The following PLCG2 variants were observed in gnomAD, a reference collection of about 807,000 sequenced individuals.
PLCG2 encodes the protein 1-phosphatidylinositol 4,5-bisphosphate phosphodiesterase gamma-2.
PLCG2 carries 69 observed loss-of-function variants against 175.6 expected under a neutral mutation model. The ratio of observed to expected loss-of-function variants is 0.39; its 90% confidence interval spans 0.32 to 0.48. The LOEUF is 0.48. Ranked by LOEUF, PLCG2 falls within the 20% of genes least tolerant of loss-of-function variation. The probability of loss-of-function intolerance (pLI) is 0.91; values close to 1 mark genes in which losing one functional copy is unlikely to be tolerated. For missense variants in PLCG2, 1,798 were observed against 1,650.9 expected, an observed-to-expected ratio of 1.09 and a Z score of -1.54; for synonymous variants, 827 against 624.0, an observed-to-expected ratio of 1.33 and a Z score of -4.85.
chr16:81,778,386 A>G (rs1047628622), upstream of PLCG2, among the ~76,000 whole-genome samples: 5 of 152,294 alleles, frequency 3.3e-5, no homozygotes, highest in Non-Finnish European at 7.4e-5. Context: ...AACAGAAGCT[A>G]TAACTCAAGC....
intron 2 of PLCG2, among the ~76,000 whole-genome samples, chr16:81,797,116 T>G (rs1396786550): frequency 6.6e-6 from 1 of 152,160 alleles, no homozygotes; most frequent in Non-Finnish European, 1.5e-5. Flanking sequence ...TACAGTGTAG[T>G]GGGTAAACGA....
At chr16:81,883,402 C>G (rs865914341) in intron 9 of PLCG2, 61 bp downstream of exon 9, 5 of 1,384,440 alleles carry the variant, frequency 3.6e-6, no homozygotes, top group Middle Eastern at 3.6e-4. Flanking sequence ...GGGGACTAGT[C>G]TCACCCTTCT....
At chr16:81,955,916 A>G (rs533112204) in intron 31 of PLCG2, among the ~76,000 whole-genome samples, 1 of 152,328 alleles carries the variant, frequency 6.6e-6, no homozygotes, top group East Asian at 1.9e-4. Context: ...TAATTCATAT[A>G]ACCACATATC....
In PLCG2 at chr16:81,930,925, A is replaced by C. The variant is rs1910474142; in HGVS notation, c.2582-572A>C. ...CTTAGCTATATTTTAAATATTTTTA[A>C]AATGAACATGTATTGTTTTAGTAAT... On this transcript the variant is annotated intron_variant, in intron 24 of 32. Transcript: ENST00000564138. Among the ~76,000 whole-genome samples, 4 of 152,232 alleles carry C rather than the reference A, an allele frequency of 2.6e-5. No homozygotes were observed. In the South Asian group the frequency reaches 8.3e-4, roughly 31 times the overall value.
intron 2 of PLCG2, among the ~76,000 whole-genome samples, chr16:81,846,174 A>G (rs569748278): frequency 2.0e-4 from 30 of 152,298 alleles, no homozygotes; most frequent in African/African-American, 7.0e-4. Context: ...AGAAATCTGC[A>G]TCACCTAGGA....
Position 81,847,512 on chromosome 16 carries a change from G to A in PLCG2, c.194-6932G>A, listed in dbSNP as rs189845088. ...CCAACCTTCATCCTGAGGTATCTAGGAGCCCCCAGCCCTACAAAAAGATAC... is the reference window on the plus strand; with the variant it reads ...CCAACCTTCATCCTGAGGTATCTAGAAGCCCCCAGCCCTACAAAAAGATAC... On this transcript the variant is annotated intron_variant, in intron 2 of 32. Coordinates refer to ENST00000564138, the MANE Select transcript of PLCG2 (RefSeq NM_002661.5). 9.2e-5 allele frequency among the ~76,000 whole-genome samples: 14 copies of A among 152,156 alleles called. No individual in the cohort carries two copies. The East Asian group carries it at 2.5e-3, about 27-fold the overall frequency.
chr16:81,809,516 T>A (rs1904299828), intron 2 of PLCG2, among the ~76,000 whole-genome samples: 1 of 152,188 alleles, frequency 6.6e-6, no homozygotes, highest in Admixed American at 6.5e-5. Flanking sequence ...CTTGCAGTGA[T>A]TCCTGGGATA....
At chr16:81,795,729 C>T (rs80275783) in intron 2 of PLCG2, among the ~76,000 whole-genome samples, 3 of 151,638 alleles carry the variant, frequency 2.0e-5, no homozygotes, top group African/African-American at 7.3e-5. Flanking sequence ...GAGATGGGGT[C>T]TTGCTTATTG....
chr16:81,911,673 C>G (rs1037696458), intron 18 of PLCG2, among the ~76,000 whole-genome samples: 1 of 151,790 alleles, frequency 6.6e-6, no homozygotes, highest in Non-Finnish European at 1.5e-5. Flanking sequence ...TGCAATGGCA[C>G]GATCTCAGCT....
intron 2 of PLCG2, among the ~76,000 whole-genome samples, chr16:81,824,901 T>TG (rs1567483619): frequency 6.6e-6 from 1 of 152,178 alleles, no homozygotes; most frequent in East Asian, 1.9e-4. Context: ...ATGACCCAGG[T>TG]AGGCCCAATG....
intron 2 of PLCG2, among the ~76,000 whole-genome samples, chr16:81,822,291 A>G (rs1904833298): frequency 6.6e-6 from 1 of 152,174 alleles, no homozygotes; most frequent in Non-Finnish European, 1.5e-5. Context: ...CATAGGTGGT[A>G]AGCATGATTG....
At chr16:81,850,512 C>T (rs963166032) in intron 2 of PLCG2, among the ~76,000 whole-genome samples, 4 of 152,106 alleles carry the variant, frequency 2.6e-5, no homozygotes, top group African/African-American at 9.7e-5. Flanking sequence ...CGTTCTTGGG[C>T]TCTCAGTGTG....
In PLCG2 at chr16:81,800,760, CT is replaced by C. The variant is rs746607671; in HGVS notation, c.193+14579del. 2.6e-5 allele frequency among the ~76,000 whole-genome samples: 4 copies of C among 152,200 alleles called. No homozygotes were observed. The East Asian group carries it at 7.7e-4, about 29-fold the overall frequency. The stretch of plus-strand genomic sequence containing the variant: ...TCCCAAGATGCCCTTGTCTTAATCC[CT>C]GGAGCCTGTGAATATATTACTCTAT... On this transcript the variant is annotated intron_variant, in intron 2 of 32. Coordinates refer to ENST00000564138, the MANE Select transcript of PLCG2 (RefSeq NM_002661.5).
chr16:81,931,567 T>C lies in PLCG2; in HGVS notation c.2652T>C (p.Pro884=). 6.2e-7 allele frequency: 1 copy of C among 1,614,116 alleles called. No homozygotes were observed. Among genetic ancestry groups the C allele is most frequent in the Non-Finnish European group, 8.5e-7 (1 of 1,179,994 alleles). The change falls in exon 25 of 33, where the codon CCT becomes CCC. Residue 884 remains proline, a synonymous_variant. Coordinates refer to ENST00000564138, the MANE Select transcript of PLCG2 (RefSeq NM_002661.5). ...FILEPKQQGD[P]PVEFATDRVE... ...TGGAGCCCAAGCAGCAGGGCGATCC[T>C]CCGGTGGAGTTTGCCACAGACAGGG...
At chr16:81,822,838 G>A (rs960823837) in intron 2 of PLCG2, among the ~76,000 whole-genome samples, 1 of 151,138 alleles carries the variant, frequency 6.6e-6, no homozygotes, top group Non-Finnish European at 1.5e-5. Flanking sequence ...TGGCAACAGA[G>A]GTTGGAATGA....
intron 2 of PLCG2, among the ~76,000 whole-genome samples, chr16:81,774,059 C>T (rs1398419919): frequency 6.6e-6 from 1 of 151,438 alleles, no homozygotes; most frequent in African/African-American, 2.4e-5. Context: ...GGGTCGGGCA[C>T]AGTGACTTAT....
At chr16:81,775,940 C>G (rs1466508398), upstream of PLCG2, among the ~76,000 whole-genome samples, 1 of 151,704 alleles carries the variant, frequency 6.6e-6, no homozygotes, top group East Asian at 1.9e-4. Context: ...TGCCCATGGG[C>G]TCTGACACCA....
At chr16:81,784,208 C>T (rs1292687194) in intron 1 of PLCG2, among the ~76,000 whole-genome samples, 2 of 152,116 alleles carry the variant, frequency 1.3e-5, no homozygotes, top group African/African-American at 2.4e-5. Flanking sequence ...AAGGGCAAAT[C>T]CTGGGCCCCT....
At chr16:81,750,050 A>G (rs1288239125) in intron 1 of PLCG2, among the ~76,000 whole-genome samples, 1 of 152,194 alleles carries the variant, frequency 6.6e-6, no homozygotes, top group African/African-American at 2.4e-5. Context: ...CATTGTGAAA[A>G]AAAAAAAGTT....
Sources: allele counts gnomAD v4.1 joint callset (sites outside exome capture counted in the v4.1 genomes callset), GRCh38; gene constraint gnomAD v4.1.1; transcripts MANE v1.5; gene names NCBI Gene and HGNC (gene_info 2026-07-23, HGNC 2026-07-21).